The following CYB5R4 variants were observed in gnomAD, a reference collection of about 807,000 sequenced individuals.
CYB5R4 encodes the protein N-terminal cytochrome b5 and cytochrome b5 oxidoreductase domain-containing protein.
CYB5R4 carries 55 observed loss-of-function variants against 70.2 expected under a neutral mutation model. That is an observed-to-expected ratio of 0.78 (90% CI 0.63 to 0.98). The LOEUF (loss-of-function observed/expected upper bound fraction) is 0.98, where lower values mean the gene tolerates loss of function less well. CYB5R4 is among the 50% of genes least tolerant of loss of function. The pLI is 0.00. For missense variants in CYB5R4, 562 were observed against 612.6 expected (o/e 0.92, Z 0.87); for synonymous variants, 197 against 199.5 (o/e 0.99, Z 0.11).
Position 83,942,451 on chromosome 6 carries a change from A to G in CYB5R4, c.1346+1850A>G, listed in dbSNP as rs551467726. 3.3e-5 allele frequency among the ~76,000 whole-genome samples: 5 copies of G among 152,278 alleles called. No homozygotes were observed. In the South Asian group the frequency reaches 6.2e-4, roughly 19 times the overall value. ...CCAGCCCAGATACTACGCTTTTTCC[A>G]CAGTCTTTGCAACCTGCAGACCAGG... On this transcript the variant is annotated intron_variant, in intron 14 of 15. Coordinates refer to ENST00000369681, the MANE Select transcript of CYB5R4 (RefSeq NM_016230.4).
intron 1 of CYB5R4, among the ~76,000 whole-genome samples, chr6:83,863,763 T>C (rs1031650668): frequency 6.6e-5 from 10 of 152,172 alleles, no homozygotes; most frequent in African/African-American, 2.2e-4. Context: ...TATAAAACAA[T>C]GCAATACAAC....
intron 10 of CYB5R4, among the ~76,000 whole-genome samples, chr6:83,927,342 T>C (rs1224899144): frequency 6.6e-6 from 1 of 152,132 alleles, no homozygotes; most frequent in Non-Finnish European, 1.5e-5. Flanking sequence ...ACAATTTAAC[T>C]CAAGTCTGAT....
chr6:83,928,563 T>C (rs1378002512), intron 10 of CYB5R4, among the ~76,000 whole-genome samples: 2 of 152,086 alleles, frequency 1.3e-5, no homozygotes, highest in African/African-American at 2.4e-5. Flanking sequence ...TCATTACTGG[T>C]TGCATATTGT....
At chr6:83,879,013 T>G (rs188001076) in intron 2 of CYB5R4, among the ~76,000 whole-genome samples, 1 of 152,308 alleles carries the variant, frequency 6.6e-6, no homozygotes, top group Admixed American at 6.5e-5. Context: ...GTGCTGTTAC[T>G]TATTACTTGG....
At chr6:83,956,056 A>G (rs1315012613) in intron 15 of CYB5R4, among the ~76,000 whole-genome samples, 2 of 152,200 alleles carry the variant, frequency 1.3e-5, no homozygotes, top group South Asian at 2.1e-4. Context: ...TATAGCCCCT[A>G]TTGGATTTCT....
At chr6:83,879,438 T>C (rs373680192) in intron 2 of CYB5R4, among the ~76,000 whole-genome samples, 14 of 152,320 alleles carry the variant, frequency 9.2e-5, no homozygotes, top group South Asian at 6.2e-4. Flanking sequence ...TTTACACTCT[T>C]TCCAGCAGCA....
intron 2 of CYB5R4, among the ~76,000 whole-genome samples, chr6:83,865,495 T>C (rs1262820817): frequency 6.6e-6 from 1 of 152,180 alleles, no homozygotes; most frequent in Non-Finnish European, 1.5e-5. Flanking sequence ...CTGGCAATCT[T>C]TGGAGTTCCT....
intron 10 of CYB5R4, among the ~76,000 whole-genome samples, chr6:83,933,356 G>C (rs2129141986): frequency 1.3e-5 from 2 of 152,266 alleles, no homozygotes; most frequent in Middle Eastern, 6.8e-3. Flanking sequence ...TGATCTGTTG[G>C]GAGCAAAAGG....
intron 11 of CYB5R4, among the ~76,000 whole-genome samples, chr6:83,935,852 A>C (rs889617088): frequency 2.6e-5 from 4 of 152,016 alleles, no homozygotes; most frequent in Admixed American, 2.0e-4. Flanking sequence ...TTATTAGGTA[A>C]ATAGTTTTTT....
At chr6:83,959,491 G>C (rs985177669) in intron 15 of CYB5R4, among the ~76,000 whole-genome samples, 1 of 152,130 alleles carries the variant, frequency 6.6e-6, no homozygotes, top group Non-Finnish European at 1.5e-5. Context: ...TGGAGTGGGG[G>C]TCTGGGGGAT....
At chr6:83,907,008 T>C (rs1406655692) in intron 3 of CYB5R4, among the ~76,000 whole-genome samples, 2 of 152,200 alleles carry the variant, frequency 1.3e-5, no homozygotes, top group Non-Finnish European at 2.9e-5. Context: ...TCCTGGTACC[T>C]ACATCTTTAT....
intron 15 of CYB5R4, 113 bp from the exon 16 acceptor site, chr6:83,959,711 C>T (rs2099473026): frequency 2.3e-6 from 2 of 879,840 alleles, no homozygotes; most frequent in Non-Finnish European, 1.7e-6. Flanking sequence ...AAAAAAACTA[C>T]ATAGTGAATG....
chr6:83,966,405 AG>A lies in CYB5R4; in HGVS notation c.*6529del, dbSNP rs1472282756. The A allele has an allele frequency of 1.3e-5, 2 of 152,076 alleles. No individual in the cohort carries two copies. The highest frequency in any genetic ancestry group is 2.9e-5 in the Non-Finnish European group (2 of 68,000). 9.4% of individuals were successfully genotyped at this position (152,076 alleles called of 1,614,324 possible). A position where few individuals can be genotyped will look rare whatever the true frequency, so the allele number is the denominator to read the frequency against. On this transcript the variant is annotated 3_prime_UTR_variant, in exon 16 of 16. Coordinates refer to ENST00000369681, the MANE Select transcript of CYB5R4 (RefSeq NM_016230.4). ...AATCTTTAAAAAAATAAAAATAAAA[AG>A]GAGGCCTGTGTGCGGTGGCTCATGC...
At chr6:83,873,948 G>A (rs893878084) in intron 2 of CYB5R4, among the ~76,000 whole-genome samples, 12 of 152,286 alleles carry the variant, frequency 7.9e-5, no homozygotes, top group Admixed American at 4.6e-4. Flanking sequence ...CAAAGGATGG[G>A]TGGTGTGTTT....
chr6:83,919,424 A>C lies in CYB5R4; in HGVS notation c.534A>C (p.Leu178Phe). Residue 178 changes from leucine to phenylalanine, a missense_variant, in exon 7 of 16, where the codon TTA (leucine) becomes TTC (phenylalanine). Transcript: ENST00000369681. The part of the protein sequence containing the change: ...PSYDWFQTDS[L>F]VTIAIYTKQK... ...ATGATTGGTTCCAAACAGACTCTTTAGTCACCATTGCCATATATACTAAAC... is the reference window on the plus strand; with the variant it reads ...ATGATTGGTTCCAAACAGACTCTTTCGTCACCATTGCCATATATACTAAAC... 1 of 1,522,924 alleles carries C rather than the reference A, an allele frequency of 6.6e-7. No homozygotes were observed. The highest frequency in any genetic ancestry group is 9.0e-7 in the Non-Finnish European group (1 of 1,116,770). The allele number at this position is 1,522,924 out of a possible 1,614,324, so 94.3% of individuals were successfully genotyped here.
At chr6:83,896,810 T>C (rs1182244384) in intron 3 of CYB5R4, among the ~76,000 whole-genome samples, 1 of 152,146 alleles carries the variant, frequency 6.6e-6, no homozygotes, top group Non-Finnish European at 1.5e-5. Context: ...ATTGCTATGG[T>C]AGTTCTATTA....
At chr6:83,913,973 G>T (rs924905774) in intron 4 of CYB5R4, among the ~76,000 whole-genome samples, 1 of 152,114 alleles carries the variant, frequency 6.6e-6, no homozygotes, top group Non-Finnish European at 1.5e-5. Flanking sequence ...ATCATTTTAT[G>T]CATTGAACTC....
intron 2 of CYB5R4, among the ~76,000 whole-genome samples, chr6:83,874,200 A>AT (rs1253874603): frequency 2.0e-5 from 2 of 101,462 alleles, no homozygotes; most frequent in Non-Finnish European, 3.8e-5. Flanking sequence ...CTTCCCTCTT[A>AT]TTTTTTTTGA....
intron 14 of CYB5R4, among the ~76,000 whole-genome samples, chr6:83,949,673 A>C (rs2099471218): frequency 6.6e-6 from 1 of 152,204 alleles, no homozygotes; most frequent in African/African-American, 2.4e-5. Flanking sequence ...TGAGGCTGAC[A>C]TATGATCGAA....
Sources: allele counts gnomAD v4.1 joint callset (sites outside exome capture counted in the v4.1 genomes callset), GRCh38; gene constraint gnomAD v4.1.1; transcripts MANE v1.5; gene names NCBI Gene and HGNC (gene_info 2026-07-23, HGNC 2026-07-21).